The following ZNF19 variants were observed in gnomAD, a reference collection of about 807,000 sequenced individuals.
ZNF19 encodes the protein zinc finger protein 19.
Under a neutral mutation model 13.1 loss-of-function variants are expected in ZNF19, and 11 were observed. The ratio of observed to expected loss-of-function variants is 0.84; its 90% CI spans 0.53 to 1.39. The LOEUF is 1.39. Ranked by LOEUF, ZNF19 falls within the 40% of genes most tolerant of loss-of-function variation. The probability of loss-of-function intolerance (pLI) is 0.00; values close to 1 mark genes in which losing one functional copy is unlikely to be tolerated. For missense variants in ZNF19, 560 were observed against 547.0 expected, an observed-to-expected ratio of 1.02 and a Z score of -0.24; for synonymous variants, 186 against 187.0, an observed-to-expected ratio of 0.99 and a Z score of 0.04.
rs118106739 is a variant in ZNF19 at position 71,475,217 on chromosome 16, T to C, written c.1330A>G (p.Ile444Val). ...AATTCTGGGAGGCCAAAACGACAAA[T>C]GTCCAGCACAGGCTTCTCTCCAGAG... The part of the protein sequence containing the change: ...VYSGEKPVLD[I>V]CRFGLPEFFT... The change falls in exon 6 of 6, where the codon ATT (isoleucine) becomes GTT (valine). Residue 444 changes from isoleucine to valine, a missense_variant. Coordinates refer to ENST00000288177, the MANE Select transcript of ZNF19 (RefSeq NM_006961.4). 4.2e-4 allele frequency: 672 copies of C among 1,613,482 alleles called. No homozygotes were observed. Among genetic ancestry groups the C allele is most frequent in the Middle Eastern group, 3.3e-4 (2 of 6,056 alleles).
In ZNF19 at chr16:71,474,322, AGT is replaced by A. The variant is rs1467751982; in HGVS notation, c.*846_*847del. The A allele has an allele frequency of 1.3e-5, 2 of 152,242 alleles. No homozygotes were observed. Among genetic ancestry groups the A allele is most frequent in the African/African-American group, 4.8e-5 (2 of 41,476 alleles). The allele number at this position is 152,242 out of a possible 1,614,324, so 9.4% of individuals were successfully genotyped here. ...TAGCTACAATAGCCTGGCATTTCTC[AGT>A]TTAAGGCCTAGAGTAGCATCCATTC... On this transcript the variant is annotated 3_prime_UTR_variant, in exon 6 of 6. Transcript: ENST00000288177.
intron 1 of ZNF19, among the ~76,000 whole-genome samples, chr16:71,485,043 A>G (rs1470368172): frequency 1.3e-5 from 2 of 152,178 alleles, no homozygotes; most frequent in Non-Finnish European, 2.9e-5. Flanking sequence ...AAATTCTAAA[A>G]AACTGTTTAA....
rs2043590457 is a variant in ZNF19 at position 71,475,018 on chromosome 16, C to G, written c.*152G>C. Reference sequence around the variant, plus strand: ...CCTATTAGCTCTTGCAATCCTGGGACTCTAATTGAACCATCTTTGGTCATC... The same window carrying G: ...CCTATTAGCTCTTGCAATCCTGGGAGTCTAATTGAACCATCTTTGGTCATC... On this transcript the variant is annotated 3_prime_UTR_variant, in exon 6 of 6. Coordinates refer to ENST00000288177, the MANE Select transcript of ZNF19 (RefSeq NM_006961.4). The G allele has an allele frequency of 1.0e-6, 1 of 963,728 alleles. No individual in the cohort carries two copies. The highest frequency in any genetic ancestry group is 1.7e-5 in the African/African-American group (1 of 60,090). The allele number at this position is 963,728 out of a possible 1,614,324, so 59.7% of individuals were successfully genotyped here. A position where few individuals can be genotyped will look rare whatever the true frequency, so the allele number is the denominator to read the frequency against.
intron 3 of ZNF19, among the ~76,000 whole-genome samples, chr16:71,480,292 T>G (rs2043629089): frequency 6.6e-6 from 1 of 152,054 alleles, no homozygotes; most frequent in Admixed American, 6.5e-5. Context: ...ATCCCCCTCA[T>G]CCCAGCACTG....
Position 71,475,453 on chromosome 16 carries a change from G to A in ZNF19, c.1094C>T (p.Ala365Val). 2 of 1,612,472 alleles carry A rather than the reference G, an allele frequency of 1.2e-6. No individual in the cohort carries two copies. The highest frequency in any genetic ancestry group is 1.7e-5 in the Admixed American group (1 of 59,896). ...KPFDCVDCGK[A>V]FSAQEQLKRH... is the part of the protein sequence containing the mutation. Reference sequence around the variant, plus strand: ...TTTTAATTGTTCCTGAGCACTGAAGGCTTTTCCACAATCTACACAGTCAAA... The same window carrying A: ...TTTTAATTGTTCCTGAGCACTGAAGACTTTTCCACAATCTACACAGTCAAA... The change falls in exon 6 of 6, where the codon GCC (alanine) becomes GTC (valine). Residue 365 changes from alanine (A) to valine (V), a missense_variant. Physicochemically the swap from Ala to Val is moderately conservative, Grantham distance 64. Coordinates refer to ENST00000288177, the MANE Select transcript of ZNF19 (RefSeq NM_006961.4).
At chr16:71,489,052 C>G (rs1041656169) in intron 1 of ZNF19, 1 of 177,428 alleles carries the variant, frequency 5.6e-6, no homozygotes, top group Admixed American at 6.5e-5. Flanking sequence ...TCCTCCCATC[C>G]TTGGGGGGCT....
Position 71,475,492 on chromosome 16 carries a change from C to A in ZNF19, c.1055G>T (p.Ser352Ile). 1 of 1,614,224 alleles carries A rather than the reference C, an allele frequency of 6.2e-7. No individual in the cohort carries two copies. Among genetic ancestry groups the A allele is most frequent in the Non-Finnish European group, 8.5e-7 (1 of 1,180,032 alleles). ...TACACAGTCAAAGGGTTTCTCCTCA[C>A]TGTGAATTCTCTGGTGCCGAGTTAG... ...TKLTRHQRIH[S>I]EEKPFDCVDC... is the part of the protein sequence containing the mutation. Residue 352 changes from serine to isoleucine, a missense_variant, in exon 6 of 6, where the codon AGT becomes ATT. By Grantham distance (142) the Ser-to-Ile change is moderately radical. Transcript: ENST00000288177.
At chr16:71,484,387 C>T (rs1217998096) in intron 2 of ZNF19, among the ~76,000 whole-genome samples, 4 of 152,234 alleles carry the variant, frequency 2.6e-5, no homozygotes, top group Non-Finnish European at 5.9e-5. Flanking sequence ...CTCCATTTCC[C>T]AAGGCGCCGA....
At chr16:71,485,578 A>G (rs2043672878) in intron 1 of ZNF19, among the ~76,000 whole-genome samples, 1 of 151,926 alleles carries the variant, frequency 6.6e-6, no homozygotes, top group Admixed American at 6.6e-5. Flanking sequence ...ATGACTGAAT[A>G]CAAGGCAGCC....
chr16:71,478,404 C>A (rs2043615752), intron 4 of ZNF19, 63 bp from the exon 5 acceptor site: 2 of 1,192,466 alleles, frequency 1.7e-6, no homozygotes, highest in Admixed American at 3.8e-5. Flanking sequence ...AGAAGGAAAA[C>A]CCCAGGAGTC....
chr16:71,489,248 C>G (rs188142960), intron 1 of ZNF19, 24 bp downstream of exon 1: 246 of 985,620 alleles, frequency 2.5e-4, no homozygotes, highest in Non-Finnish European at 2.9e-4. Flanking sequence ...CTCCGCCCAA[C>G]TGTGGGTCCT....
chr16:71,475,475 C>G lies in ZNF19; in HGVS notation c.1072G>C (p.Asp358His). Residue 358 changes from aspartate to histidine, a missense_variant, in exon 6 of 6, where the codon GAC becomes CAC. Coordinates refer to ENST00000288177, the MANE Select transcript of ZNF19 (RefSeq NM_006961.4). ...QRIHSEEKPF[D>H]CVDCGKAFSA... Reference sequence around the variant, plus strand: ...AAGGCTTTTCCACAATCTACACAGTCAAAGGGTTTCTCCTCACTGTGAATT... The same window carrying G: ...AAGGCTTTTCCACAATCTACACAGTGAAAGGGTTTCTCCTCACTGTGAATT... 1 of 1,614,164 alleles carries G rather than the reference C, an allele frequency of 6.2e-7. No individual in the cohort carries two copies. Among genetic ancestry groups the G allele is most frequent in the Non-Finnish European group, 8.5e-7 (1 of 1,180,034 alleles).
Position 71,479,013 on chromosome 16 carries a change from A to C in ZNF19, c.34-8T>G. 2 of 1,614,168 alleles carry C rather than the reference A, an allele frequency of 1.2e-6. No homozygotes were observed. Among genetic ancestry groups the C allele is most frequent in the South Asian group, 2.2e-5 (2 of 91,080 alleles). On this transcript the variant is annotated splice_region_variant and splice_polypyrimidine_tract_variant and intron_variant, in intron 3 of 5. Transcript: ENST00000288177. ...CTCGAAGGTCACCATCTCCTAAAAC[A>C]ACAGGTTCCTGCTGCCCCAGAGCCA...
At position 71,475,265 on chromosome 16, in the gene ZNF19, G is replaced by C. The variant is rs1206058615; in HGVS notation, c.1282C>G (p.Leu428Val). 1 of 1,614,100 alleles carries C rather than the reference G, an allele frequency of 6.2e-7. No homozygotes were observed. The highest frequency in any genetic ancestry group is 1.7e-5 in the Admixed American group (1 of 60,000). ...YEKAFGTSSQLGHLEHVYSGE... is the reference protein window; with the variant it reads ...YEKAFGTSSQVGHLEHVYSGE... ...GAGTAGACATGCTCAAGGTGACCTA[G>C]CTGGGAAGAAGTCCCAAAGGCCTTC... The change falls in exon 6 of 6, where the codon CTA becomes GTA. Residue 428 changes from leucine to valine, a missense_variant. By Grantham distance (32) the Leu-to-Val change is conservative. Coordinates refer to ENST00000288177, the MANE Select transcript of ZNF19 (RefSeq NM_006961.4).
At position 71,476,019 on chromosome 16, in the gene ZNF19, ATAG is replaced by A. The variant is rs771976566; in HGVS notation, c.525_527del (p.Tyr176del). ...CAGTGTGGATTCTCTGGTGTCTAGC[ATAG>A]TAAGAAAAGTAGCTGAAGGATTTCC... On this transcript the variant is annotated inframe_deletion, in exon 6 of 6. Coordinates refer to ENST00000288177, the MANE Select transcript of ZNF19 (RefSeq NM_006961.4). 1.2e-6 allele frequency: 2 copies of A among 1,614,228 alleles called. No individual in the cohort carries two copies. The highest frequency in any genetic ancestry group is 3.3e-5 in the Admixed American group (2 of 60,030).
At position 71,475,896 on chromosome 16, in the gene ZNF19, A is replaced by G. The variant is rs773305576; in HGVS notation, c.651T>C (p.Tyr217=). 7.4e-6 allele frequency: 12 copies of G among 1,613,536 alleles called. No homozygotes were observed. In the South Asian group the frequency reaches 9.9e-5, roughly 13 times the overall value. ...AGGCTCGCCCACACTCCTCACACTG[A>G]TAGGGTCTCTCTCCAGTGTGAATCC... ...HQRIHTGERP[Y]QCEECGRAFN... is the part of the protein sequence containing the mutation. The change falls in exon 6 of 6, where the codon TAT becomes TAC. Residue 217 remains tyrosine, a synonymous_variant. Coordinates refer to ENST00000288177, the MANE Select transcript of ZNF19 (RefSeq NM_006961.4).
At chr16:71,486,808 C>CATT (rs1950293793) in intron 1 of ZNF19, among the ~76,000 whole-genome samples, 1 of 152,020 alleles carries the variant, frequency 6.6e-6, no homozygotes, top group Non-Finnish European at 1.5e-5. Flanking sequence ...CATAAATGAC[C>CATT]ATTAAGTCTG....
At chr16:71,487,672 A>C (rs1027347003) in intron 1 of ZNF19, among the ~76,000 whole-genome samples, 4 of 152,204 alleles carry the variant, frequency 2.6e-5, no homozygotes, top group African/African-American at 9.7e-5. Context: ...AGCTATAAGT[A>C]ATATCAGATC....
Position 71,484,739 on chromosome 16 carries a change from C to A in ZNF19, c.-180G>T. 1 of 985,414 alleles carries A rather than the reference C, an allele frequency of 1.0e-6. No individual in the cohort carries two copies. 61.0% of individuals were successfully genotyped at this position (985,414 alleles called of 1,614,324 possible). On this transcript the variant is annotated 5_prime_UTR_variant, in exon 2 of 6. Transcript: ENST00000288177. ...CCGGGAGGAGTTTCCACCCGGGGAT[C>A]CTCAGAGACCTTGAATAGGAAAGAA...
Sources: allele counts gnomAD v4.1 joint callset (sites outside exome capture counted in the v4.1 genomes callset), GRCh38; gene constraint gnomAD v4.1.1; transcripts MANE v1.5; gene names NCBI Gene and HGNC (gene_info 2026-07-23, HGNC 2026-07-21).